Variants in RUFY3 observed in about 807,000 individuals in gnomAD.
The protein encoded by RUFY3 is RUN and FYVE domain containing 3.
In RUFY3, 34 loss-of-function variants were observed where a neutral mutation model predicts 84.0. The observed-to-expected ratio is 0.40, with a 90% CI of 0.31 to 0.54. The LOEUF is 0.54. RUFY3 is among the 20% of genes least tolerant of loss of function. RUFY3 has a pLI of 0.39. For missense variants in RUFY3, 507 were observed against 736.8 expected (o/e 0.69, Z 3.61); for synonymous variants, 242 against 252.9 (o/e 0.96, Z 0.41).
rs116371426 is a variant in RUFY3 at position 70,762,515 on chromosome 4, G to T, written c.179-4G>T. The T allele has an allele frequency of 2.0e-3, 3,136 of 1,595,790 alleles. 47 individuals are homozygous for T. In the African/African-American group the frequency reaches 0.037, roughly 19 times the overall value. On this transcript the variant is annotated splice_polypyrimidine_tract_variant and splice_region_variant and intron_variant, in intron 1 of 17. Coordinates refer to ENST00000381006, the MANE Select transcript of RUFY3 (RefSeq NM_001037442.4). ...GCCTTCATCTTCTTCCCCTTTGGCTGCAGATCCTAATTATCTCATGGCTAA... is the reference window on the plus strand; with the variant it reads ...GCCTTCATCTTCTTCCCCTTTGGCTTCAGATCCTAATTATCTCATGGCTAA...
chr4:70,746,070 G>A (rs1471443560), intron 1 of RUFY3, among the ~76,000 whole-genome samples: 1 of 152,058 alleles, frequency 6.6e-6, no homozygotes, highest in Non-Finnish European at 1.5e-5. Flanking sequence ...TTGGCGGGGC[G>A]TGGTGGCTCA....
chr4:70,718,641 T>C (rs2148577069), upstream of RUFY3, among the ~76,000 whole-genome samples: 1 of 152,352 alleles, frequency 6.6e-6, no homozygotes, highest in Middle Eastern at 3.4e-3. Flanking sequence ...ATCTTACTGA[T>C]GGCTTAACTT....
At chr4:70,735,724 T>C (rs1168258243) in intron 1 of RUFY3, among the ~76,000 whole-genome samples, 1 of 151,866 alleles carries the variant, frequency 6.6e-6, no homozygotes. Flanking sequence ...CTGTGGCTCA[T>C]GTCTGTAATC....
intron 1 of RUFY3, among the ~76,000 whole-genome samples, chr4:70,713,837 A>G (rs1396119515): frequency 1.3e-5 from 2 of 152,144 alleles, no homozygotes; most frequent in African/African-American, 4.8e-5. Context: ...TCAAAATCTG[A>G]GAGATACCAC....
At chr4:70,756,950 A>G (rs1290694179) in intron 1 of RUFY3, among the ~76,000 whole-genome samples, 1 of 152,122 alleles carries the variant, frequency 6.6e-6, no homozygotes, top group Non-Finnish European at 1.5e-5. Context: ...TCCATAGAAT[A>G]GGTTTATGTC....
chr4:70,742,415 T>C (rs1024797002), intron 1 of RUFY3, among the ~76,000 whole-genome samples: 5 of 152,162 alleles, frequency 3.3e-5, no homozygotes, highest in African/African-American at 9.7e-5. Context: ...CATCCACCAC[T>C]CTGTCCAGAC....
intron 1 of RUFY3, among the ~76,000 whole-genome samples, chr4:70,736,948 A>G (rs1473356606): frequency 2.0e-5 from 3 of 152,260 alleles, no homozygotes; most frequent in Non-Finnish European, 2.9e-5. Flanking sequence ...TACCCAAGAC[A>G]GTTTTAGAAA....
intron 12 of RUFY3, 198 bp downstream of exon 12, chr4:70,789,790 C>A: frequency 8.2e-7 from 1 of 1,215,776 alleles, no homozygotes; most frequent in Non-Finnish European, 1.0e-6. Context: ...ATGTCAATCA[C>A]TTGACTAGCC....
intron 12 of RUFY3, 22 bp from the exon 13 acceptor site, chr4:70,793,763 A>C (rs759321621): frequency 1.3e-5 from 21 of 1,613,790 alleles, no homozygotes; most frequent in Non-Finnish European, 1.8e-5. Context: ...TTTTATCACA[A>C]GTTCATGTGG....
At chr4:70,710,745 TA>T (rs1002331092) in intron 1 of RUFY3, among the ~76,000 whole-genome samples, 2 of 151,778 alleles carry the variant, frequency 1.3e-5, no homozygotes, top group Non-Finnish European at 2.9e-5. Flanking sequence ...TTTTATTTAT[TA>T]AAATTTTTAA....
upstream of RUFY3, among the ~76,000 whole-genome samples, chr4:70,720,860 A>G (rs959974246): frequency 1.3e-5 from 2 of 151,764 alleles, no homozygotes; most frequent in East Asian, 3.9e-4. Flanking sequence ...CTACCAAGGT[A>G]TAAATGCCTC....
rs1725514911 is a variant in RUFY3, at chr4:70,764,506, C to T, written c.502C>T (p.Arg168Cys). 1 of 1,613,548 alleles carries T rather than the reference C, an allele frequency of 6.2e-7. No individual in the cohort carries two copies. The highest frequency in any genetic ancestry group is 8.5e-7 in the Non-Finnish European group (1 of 1,179,716). The stretch of plus-strand genomic sequence containing the variant: ...AGTAGGTAGAGGAAGAGCCTGGCTT[C>T]GTTTGGCATTAATGCAAAAGAAACT... Reference protein sequence around the residue: ...TPVGRGRAWLRLALMQKKLSE... With the variant: ...TPVGRGRAWLCLALMQKKLSE... Residue 168 changes from arginine to cysteine, a missense_variant, in exon 4 of 18, where the codon CGT becomes TGT. This residue lies in a region of RUFY3 where 133 missense variants were observed against 301.1 expected (regional missense o/e 0.44). Coordinates refer to ENST00000381006, the MANE Select transcript of RUFY3 (RefSeq NM_001037442.4).
intron 1 of RUFY3, among the ~76,000 whole-genome samples, chr4:70,759,801 T>C (rs1465268084): frequency 6.6e-6 from 1 of 152,178 alleles, no homozygotes; most frequent in Admixed American, 6.5e-5. Context: ...TTGTTTAGAT[T>C]AGTAGTTCTC....
chr4:70,741,917 A>G (rs996122494), intron 1 of RUFY3, among the ~76,000 whole-genome samples: 4 of 152,234 alleles, frequency 2.6e-5, no homozygotes, highest in Non-Finnish European at 4.4e-5. Context: ...TCAAGATTAT[A>G]TCAAGTTTTT....
rs966028658 is a variant in RUFY3, at chr4:70,722,142, A to AT, written c.-424dup. On this transcript the variant is annotated 5_prime_UTR_variant, in exon 1 of 18. Coordinates refer to ENST00000381006, the MANE Select transcript of RUFY3 (RefSeq NM_001037442.4). The stretch of plus-strand genomic sequence containing the variant: ...TTTTTTGTTCAGGTTTTTCTTTTAT[A>AT]TTTTTTTTCTGCACAAAGGAGGAGG... The AT allele has an allele frequency of 3.9e-5, 48 of 1,230,414 alleles. No individual in the cohort carries two copies. The highest frequency in any genetic ancestry group is 9.4e-5 in the African/African-American group (6 of 64,054). The allele number at this position is 1,230,414 out of a possible 1,614,324, so 76.2% of individuals were successfully genotyped here.
At chr4:70,727,669 C>A (rs988907399) in intron 1 of RUFY3, among the ~76,000 whole-genome samples, 4 of 151,184 alleles carry the variant, frequency 2.6e-5, no homozygotes, top group African/African-American at 9.7e-5. Flanking sequence ...TGCCTGTAAT[C>A]CCAGCTACTC....
At chr4:70,733,109 AGAGAGAGAGAGGGAGGGAGGGAGGGAGG>A (rs1719644246) in intron 1 of RUFY3, among the ~76,000 whole-genome samples, 3 of 87,764 alleles carry the variant, frequency 3.4e-5, no homozygotes, top group African/African-American at 9.8e-5. Context: ...AGAGAGAGAG[AGAGAGAGAGAGGGAGGGAGGGAGGGAGG>A]GAGAGAGAGA....
chr4:70,762,183 C>T (rs1464169217), intron 1 of RUFY3, among the ~76,000 whole-genome samples: 8 of 152,116 alleles, frequency 5.3e-5, no homozygotes, highest in Non-Finnish European at 8.8e-5. Context: ...AGTGTGATGG[C>T]GTGCGCCTAT....
chr4:70,787,854 A>G (rs1730157810), intron 10 of RUFY3, among the ~76,000 whole-genome samples: 1 of 152,152 alleles, frequency 6.6e-6, no homozygotes, highest in African/African-American at 2.4e-5. Flanking sequence ...GAAACTAAGA[A>G]AGTATTTGAG....
Sources: allele counts gnomAD v4.1 joint callset (sites outside exome capture counted in the v4.1 genomes callset), GRCh38; gene constraint gnomAD v4.1.1; regional missense constraint gnomAD v4.1.1; transcripts MANE v1.5; gene names NCBI Gene and HGNC (gene_info 2026-07-23, HGNC 2026-07-21).